The following CD2AP variants were observed in gnomAD, a reference collection of about 807,000 sequenced individuals.
The protein encoded by CD2AP is CD2 associated protein, also known as CD2-associated protein.
In CD2AP, 46 loss-of-function variants were observed where a neutral mutation model predicts 85.1. The ratio of observed to expected loss-of-function variants is 0.54; its 90% CI spans 0.43 to 0.69. The LOEUF (loss-of-function observed/expected upper bound fraction) is 0.69. Among genes scored for constraint, CD2AP ranks in the 30% least tolerant of loss-of-function variants. The probability of loss-of-function intolerance (pLI) is 0.00; values close to 1 mark genes in which losing one functional copy is unlikely to be tolerated. For missense variants in CD2AP, 769 were observed against 729.5 expected, an observed-to-expected ratio of 1.05 and a Z score of -0.62; for synonymous variants, 255 against 252.9, an observed-to-expected ratio of 1.01 and a Z score of -0.08.
intron 11 of CD2AP, among the ~76,000 whole-genome samples, chr6:47,593,518 A>G (rs577208478): frequency 2.6e-5 from 4 of 152,290 alleles, no homozygotes; most frequent in African/African-American, 7.2e-5. Context: ...GATGTTTAAC[A>G]TCATTAATCA....
chr6:47,482,380 CT>C (rs531967845), intron 1 of CD2AP, among the ~76,000 whole-genome samples: 304 of 133,450 alleles, frequency 2.3e-3, no homozygotes, highest in Middle Eastern at 4.0e-3. Flanking sequence ...TTTTTTTTGT[CT>C]TTTTTTTTTT....
At chr6:47,576,042 T>C (rs1269366862) in intron 6 of CD2AP, among the ~76,000 whole-genome samples, 1 of 152,202 alleles carries the variant, frequency 6.6e-6, no homozygotes, top group Admixed American at 6.5e-5. Flanking sequence ...GGATTTAAGT[T>C]CTCAAGTGCT....
chr6:47,532,580 T>G (rs950530159), intron 2 of CD2AP, among the ~76,000 whole-genome samples: 2 of 152,142 alleles, frequency 1.3e-5, no homozygotes, highest in Admixed American at 6.5e-5. Flanking sequence ...GAAGTTTGTC[T>G]GTTTATGGAT....
chr6:47,527,123 A>G (rs1326805304), intron 2 of CD2AP, among the ~76,000 whole-genome samples: 2 of 152,138 alleles, frequency 1.3e-5, no homozygotes, highest in South Asian at 2.1e-4. Context: ...CGATTGAAAA[A>G]TATTCATTGT....
At chr6:47,517,450 G>A (rs1379377852) in intron 2 of CD2AP, among the ~76,000 whole-genome samples, 1 of 151,902 alleles carries the variant, frequency 6.6e-6, no homozygotes, top group African/African-American at 2.4e-5. Context: ...ACCATGCCTG[G>A]CTAATGTTTT....
At chr6:47,493,034 A>G (rs565070043) in intron 1 of CD2AP, among the ~76,000 whole-genome samples, 3 of 152,322 alleles carry the variant, frequency 2.0e-5, no homozygotes, top group East Asian at 3.9e-4. Flanking sequence ...GTCCCTTAAG[A>G]CATTGATTAA....
chr6:47,581,468 C>A (rs1178490412), intron 10 of CD2AP, among the ~76,000 whole-genome samples: 2 of 152,052 alleles, frequency 1.3e-5, no homozygotes, highest in African/African-American at 4.8e-5. Context: ...TAATTCAAGT[C>A]TTTTTGTCGC....
At chr6:47,483,463 G>A (rs556410517) in intron 1 of CD2AP, among the ~76,000 whole-genome samples, 17 of 152,098 alleles carry the variant, frequency 1.1e-4, no homozygotes, top group Non-Finnish European at 2.1e-4. Context: ...TGAAAACCTA[G>A]CCACAGGGAA....
At chr6:47,505,616 G>GA (rs1194126315) in intron 2 of CD2AP, among the ~76,000 whole-genome samples, 8 of 33,054 alleles carry the variant, frequency 2.4e-4, no homozygotes, top group African/African-American at 6.7e-4. Flanking sequence ...TGGCCGGGCG[G>GA]GGGGGGCTGA....
chr6:47,588,730 A>G lies in CD2AP; in HGVS notation c.1108+6665A>G, dbSNP rs150354627. Among the ~76,000 whole-genome samples, 1,194 of 152,224 alleles carry G rather than the reference A, an allele frequency of 7.8e-3. 13 individuals carry two copies. Among genetic ancestry groups the G allele is most frequent in the African/African-American group, 0.027 (1,120 of 41,546 alleles). On this transcript the variant is annotated intron_variant, in intron 11 of 17. Coordinates refer to ENST00000359314, the MANE Select transcript of CD2AP (RefSeq NM_012120.3). ...CTTTCCATTCTGCCATCCTCAGTGT[A>G]CACTTTATCTTCAGACTGTCTCCTC...
At chr6:47,525,611 A>G (rs1362803056) in intron 2 of CD2AP, among the ~76,000 whole-genome samples, 1 of 152,144 alleles carries the variant, frequency 6.6e-6, no homozygotes, top group South Asian at 2.1e-4. Flanking sequence ...TGGTTTGTGA[A>G]TTTTGTTGAT....
intron 3 of CD2AP, among the ~76,000 whole-genome samples, chr6:47,541,258 A>G (rs1054199774): frequency 1.3e-5 from 2 of 152,046 alleles, no homozygotes; most frequent in Non-Finnish European, 2.9e-5. Flanking sequence ...TGAGTAGCTG[A>G]GACTACAGGC....
At chr6:47,593,322 A>C (rs1768852419) in intron 11 of CD2AP, among the ~76,000 whole-genome samples, 2 of 152,148 alleles carry the variant, frequency 1.3e-5, no homozygotes, top group Non-Finnish European at 2.9e-5. Context: ...AAAATGGGAG[A>C]AATCTTATGA....
chr6:47,601,785 A>G (rs1280596057), intron 13 of CD2AP, among the ~76,000 whole-genome samples: 5 of 152,042 alleles, frequency 3.3e-5, no homozygotes, highest in Non-Finnish European at 7.4e-5. Context: ...TTGAAAACAT[A>G]CATGAAAAAC....
intron 3 of CD2AP, among the ~76,000 whole-genome samples, chr6:47,543,185 A>AGAAAAAAAAGAAAAAGAAAAAG (rs1767277310): frequency 1.3e-5 from 1 of 79,504 alleles, no homozygotes; most frequent in Non-Finnish European, 3.6e-5. Context: ...AAAAGAAAAA[A>AGAAAAAAAAGAAAAAGAAAAAG]GAAAAAAAAG....
chr6:47,530,307 A>G (rs1766839439), intron 2 of CD2AP, among the ~76,000 whole-genome samples: 1 of 152,222 alleles, frequency 6.6e-6, no homozygotes, highest in East Asian at 1.9e-4. Flanking sequence ...CTCTGGCACA[A>G]TAAAGATGCA....
intron 2 of CD2AP, among the ~76,000 whole-genome samples, chr6:47,525,342 A>C (rs1766693373): frequency 6.6e-6 from 1 of 152,184 alleles, no homozygotes; most frequent in Non-Finnish European, 1.5e-5. Flanking sequence ...AATTAAAATA[A>C]TTAAGTATAT....
At chr6:47,605,856 T>G (rs1769255912) in intron 13 of CD2AP, among the ~76,000 whole-genome samples, 1 of 151,992 alleles carries the variant, frequency 6.6e-6, no homozygotes, top group Admixed American at 6.6e-5. Context: ...GCTACTACAG[T>G]TTGTGATACA....
chr6:47,576,598 T>G lies in CD2AP; in HGVS notation c.804T>G (p.Ile268Met). The change falls in exon 7 of 18, where the codon ATT becomes ATG. Residue 268 changes from isoleucine (I) to methionine (M), a missense_variant. By Grantham distance (10) the Ile-to-Met change is conservative. Transcript: ENST00000359314. ...EITKTDTEGKIKAKEYCRTLF... is the reference protein window; with the variant it reads ...EITKTDTEGKMKAKEYCRTLF... ...CAAAAACAGATACCGAAGGTAAAAT[T>G]AAAGGTATGTTTTTGAATAAAGCTT... 6.2e-7 allele frequency: 1 copy of G among 1,602,890 alleles called. No individual in the cohort carries two copies. The highest frequency in any genetic ancestry group is 8.5e-7 in the Non-Finnish European group (1 of 1,170,322).
Sources: allele counts gnomAD v4.1 joint callset (sites outside exome capture counted in the v4.1 genomes callset), GRCh38; gene constraint gnomAD v4.1.1; transcripts MANE v1.5; gene names NCBI Gene and HGNC (gene_info 2026-07-23, HGNC 2026-07-21).